Variants in SAMD3 observed in about 807,000 individuals in gnomAD.
SAMD3 encodes the protein sterile alpha motif domain containing 3.
A neutral mutation model predicts 58.5 loss-of-function variants in SAMD3; 63 were observed. That is an observed-to-expected ratio of 1.08 (90% CI 0.88 to 1.33). The LOEUF is 1.33. SAMD3 is among the 40% of genes most tolerant of loss of function. SAMD3 has a pLI of 0.00. For missense variants in SAMD3, 604 were observed against 608.4 expected (o/e 0.99, Z 0.08); for synonymous variants, 220 against 210.3 (o/e 1.05, Z -0.40).
chr6:130,205,524 G>A (rs908696156), intron 5 of SAMD3, among the ~76,000 whole-genome samples: 1 of 151,782 alleles, frequency 6.6e-6, no homozygotes, highest in Non-Finnish European at 1.5e-5. Context: ...GACTGCTCTC[G>A]AACTCCTGAC....
chr6:130,296,023 G>A (rs1029482976), intron 2 of SAMD3, among the ~76,000 whole-genome samples: 9 of 152,122 alleles, frequency 5.9e-5, no homozygotes, highest in African/African-American at 2.2e-4. Context: ...CCTGTCACCC[G>A]CTTCTTCCCT....
chr6:130,193,651 C>G (rs1793784012), intron 5 of SAMD3, among the ~76,000 whole-genome samples: 1 of 152,124 alleles, frequency 6.6e-6, no homozygotes, highest in South Asian at 2.1e-4. Context: ...AACTTAAAAC[C>G]TCTTCAACTC....
At chr6:130,352,452 C>A (rs1777704289) in intron 1 of SAMD3, among the ~76,000 whole-genome samples, 1 of 152,032 alleles carries the variant, frequency 6.6e-6, no homozygotes, top group Non-Finnish European at 1.5e-5. Context: ...TAAAATATCA[C>A]CCCTGCCATT....
At chr6:130,347,834 C>T (rs949370167) in intron 1 of SAMD3, among the ~76,000 whole-genome samples, 2 of 152,122 alleles carry the variant, frequency 1.3e-5, no homozygotes, top group Admixed American at 6.5e-5. Flanking sequence ...AGAGAAAGCT[C>T]GGGTTACCCA....
intron 5 of SAMD3, among the ~76,000 whole-genome samples, chr6:130,205,682 A>G (rs1378389734): frequency 2.0e-5 from 3 of 152,182 alleles, no homozygotes; most frequent in African/African-American, 7.2e-5. Context: ...AACAGCAAGA[A>G]AAAACATGGT....
intron 1 of SAMD3, among the ~76,000 whole-genome samples, chr6:130,337,859 T>C (rs1259857540): frequency 6.6e-6 from 1 of 152,212 alleles, no homozygotes; most frequent in East Asian, 1.9e-4. Context: ...AAGCAGAGCA[T>C]AAAAGTTTGG....
intron 8 of SAMD3, among the ~76,000 whole-genome samples, chr6:130,166,130 C>A (rs1173251115): frequency 6.6e-6 from 1 of 152,188 alleles, no homozygotes; most frequent in Non-Finnish European, 1.5e-5. Flanking sequence ...TTCCTCCATT[C>A]ATGGCACCAC....
intron 1 of SAMD3, among the ~76,000 whole-genome samples, chr6:130,360,777 A>G (rs772679846): frequency 3.9e-5 from 6 of 152,268 alleles, no homozygotes; most frequent in South Asian, 4.2e-4. Flanking sequence ...TCATCCCTAC[A>G]GTTTCGACCA....
At chr6:130,154,010 A>C (rs959404483) in intron 9 of SAMD3, among the ~76,000 whole-genome samples, 2 of 151,954 alleles carry the variant, frequency 1.3e-5, no homozygotes, top group Non-Finnish European at 2.9e-5. Flanking sequence ...ACACTTATGA[A>C]ATTATTTGGG....
intron 1 of SAMD3, among the ~76,000 whole-genome samples, chr6:130,320,315 TA>T (rs1030091306): frequency 6.6e-6 from 1 of 152,140 alleles, no homozygotes; most frequent in African/African-American, 2.4e-5. Context: ...TAAATAGCAC[TA>T]ATCATTGAGG....
intron 1 of SAMD3, among the ~76,000 whole-genome samples, chr6:130,363,884 C>T (rs1205388291): frequency 6.6e-6 from 1 of 152,148 alleles, no homozygotes; most frequent in East Asian, 1.9e-4. Context: ...ATTTCCAAAG[C>T]CGATGTGTAG....
chr6:130,361,990 TC>T (rs1778001933), intron 1 of SAMD3, among the ~76,000 whole-genome samples: 1 of 152,160 alleles, frequency 6.6e-6, no homozygotes, highest in African/African-American at 2.4e-5. Context: ...CCCAGAATAG[TC>T]AGTAAAAGTT....
At chr6:130,312,941 A>G (rs1272503667) in intron 2 of SAMD3, 1 of 152,226 alleles carries the variant, frequency 6.6e-6, no homozygotes, top group African/African-American at 2.4e-5. Context: ...CGTAGTGCAT[A>G]GCACGTGATG....
In SAMD3 at chr6:130,209,520, T is replaced by A; in HGVS notation, c.358A>T (p.Ile120Phe). ...CTCTGTTTCAATACTCTTTGGTCAA[T>A]TAGTCCATTATCAAGGTTTTCAGCT... ...YPAENLDNGL[I>F]DQRVLKQRRN... Residue 120 changes from isoleucine to phenylalanine, a missense_variant, in exon 5 of 12, where the codon ATT (isoleucine) becomes TTT (phenylalanine). Physicochemically the swap from Ile to Phe is conservative, Grantham distance 21 (BLOSUM62 0). Transcript: ENST00000439090. 1 of 1,611,788 alleles carries A rather than the reference T, an allele frequency of 6.2e-7. No individual in the cohort carries two copies. Among genetic ancestry groups the A allele is most frequent in the African/African-American group, 1.3e-5 (1 of 75,020 alleles).
At chr6:130,202,044 G>A (rs1443265663) in intron 5 of SAMD3, among the ~76,000 whole-genome samples, 1 of 152,132 alleles carries the variant, frequency 6.6e-6, no homozygotes, top group African/African-American at 2.4e-5. Context: ...CCTAGCCCAT[G>A]GGGTATAGTC....
chr6:130,166,228 G>A (rs958116507), intron 8 of SAMD3, among the ~76,000 whole-genome samples: 32 of 152,170 alleles, frequency 2.1e-4, no homozygotes, highest in Non-Finnish European at 5.9e-5. Context: ...CCCTTATTCT[G>A]AAAATGAGGA....
chr6:130,312,354 A>G lies in SAMD3; in HGVS notation c.-188+624T>C, dbSNP rs556120208. ...TAAAACAACAATGGGAGACGAAAGG[A>G]AAGTAATGCATTGATTCCTGAATCA... On this transcript the variant is annotated intron_variant, in intron 2 of 13. Transcript: ENST00000368134. 1.8e-4 allele frequency among the ~76,000 whole-genome samples: 28 copies of G among 152,352 alleles called. No homozygotes were observed. In the South Asian group the frequency reaches 3.1e-3, roughly 17 times the overall value.
chr6:130,180,064 C>G (rs751615258), intron 7 of SAMD3, among the ~76,000 whole-genome samples: 27 of 151,962 alleles, frequency 1.8e-4, no homozygotes, highest in Admixed American at 7.9e-4. Flanking sequence ...ATCCACCCGC[C>G]TCAGCCTCCC....
At chr6:130,213,466 C>G (rs966671643) in intron 4 of SAMD3, among the ~76,000 whole-genome samples, 1 of 151,792 alleles carries the variant, frequency 6.6e-6, no homozygotes, top group Non-Finnish European at 1.5e-5. Flanking sequence ...TATTATTTAT[C>G]AAGGAGAAAG....
Sources: gnomAD v4.1 joint callset for allele counts (sites outside exome capture counted in the v4.1 genomes callset) on GRCh38, gnomAD v4.1.1 for gene constraint, MANE v1.5 for transcripts, NCBI Gene and HGNC (gene_info 2026-07-23, HGNC 2026-07-21) for gene names.